The following RAP1A variants were observed in gnomAD, a reference collection of about 807,000 sequenced individuals.
RAP1A encodes the protein RAP1A, member of RAS oncogene family.
A neutral mutation model predicts 26.4 loss-of-function variants in RAP1A; 6 were observed. That is an observed-to-expected ratio of 0.23 (90% CI 0.12 to 0.45). The LOEUF is 0.45. Among genes scored for constraint, RAP1A ranks in the 20% least tolerant of loss-of-function variants. The pLI, the probability that RAP1A is intolerant of heterozygous loss-of-function variation, is 0.99. For missense variants in RAP1A, 121 were observed against 217.2 expected, an observed-to-expected ratio of 0.56 and a Z score of 2.78; for synonymous variants, 73 against 79.4, an observed-to-expected ratio of 0.92 and a Z score of 0.43.
Position 111,641,701 on chromosome 1 carries a change from A to T in RAP1A, c.-28+21767A>T, listed in dbSNP as rs374343361. Among the ~76,000 whole-genome samples the T allele has an allele frequency of 9.2e-4, 140 of 152,216 alleles. 3 individuals carry two copies. In the South Asian group the frequency reaches 0.028, roughly 31 times the overall value. ...ATCCTTTAAATTCTCTAAGAAATGT[A>T]CCACCACAGATTTCTAATTTATTCT... On this transcript the variant is annotated intron_variant, in intron 1 of 7. Transcript: ENST00000369709.
At chr1:111,697,878 T>C (rs1377465215) in intron 4 of RAP1A, among the ~76,000 whole-genome samples, 4 of 152,258 alleles carry the variant, frequency 2.6e-5, no homozygotes, top group Non-Finnish European at 5.9e-5. Flanking sequence ...CACTAGCATT[T>C]TGACATCTCA....
chr1:111,573,905 TTGTC>T (rs1254394386), intron 1 of RAP1A, among the ~76,000 whole-genome samples: 4 of 152,316 alleles, frequency 2.6e-5, no homozygotes, highest in African/African-American at 7.2e-5. Flanking sequence ...ATTCTATACT[TTGTC>T]TGTTTACTCT....
At chr1:111,651,805 C>T (rs554079410) in intron 1 of RAP1A, among the ~76,000 whole-genome samples, 2 of 151,880 alleles carry the variant, frequency 1.3e-5, no homozygotes, top group South Asian at 4.2e-4. Flanking sequence ...GTTGAGACAG[C>T]GTTTCACCAT....
At chr1:111,561,626 A>G (rs1657740640) in intron 1 of RAP1A, among the ~76,000 whole-genome samples, 1 of 152,226 alleles carries the variant, frequency 6.6e-6, no homozygotes, top group Non-Finnish European at 1.5e-5. Flanking sequence ...AATTTTATTC[A>G]ATCATAGGCC....
chr1:111,612,181 T>G (rs1258724677), intron 1 of RAP1A, among the ~76,000 whole-genome samples: 3 of 152,186 alleles, frequency 2.0e-5, no homozygotes, highest in African/African-American at 7.2e-5. Context: ...AAAAAAGACT[T>G]CACTTACTGT....
intron 1 of RAP1A, among the ~76,000 whole-genome samples, chr1:111,579,226 T>G (rs1221251134): frequency 2.6e-5 from 4 of 152,148 alleles, no homozygotes; most frequent in Non-Finnish European, 4.4e-5. Flanking sequence ...CACTTGGTCT[T>G]TCTGGTGACT....
intron 1 of RAP1A, among the ~76,000 whole-genome samples, chr1:111,655,245 A>AG (rs57061780): frequency 3.1e-5 from 3 of 95,322 alleles, no homozygotes; most frequent in Admixed American, 1.2e-4. Context: ...AAAAAAAAGA[A>AG]AAAAAAACAA....
chr1:111,574,817 G>A (rs974709601), intron 1 of RAP1A, among the ~76,000 whole-genome samples: 19 of 152,194 alleles, frequency 1.2e-4, no homozygotes, highest in African/African-American at 4.6e-4. Flanking sequence ...TTCAGGGGCT[G>A]GTTTTGTTTG....
At chr1:111,618,620 G>T (rs1355090068), upstream of RAP1A, among the ~76,000 whole-genome samples, 2 of 152,106 alleles carry the variant, frequency 1.3e-5, no homozygotes, top group Admixed American at 1.3e-4. Flanking sequence ...CCATTTGGAT[G>T]TATAACAGAC....
chr1:111,655,658 C>CTTTTTTT (rs34266778), intron 1 of RAP1A, among the ~76,000 whole-genome samples: 3 of 85,130 alleles, frequency 3.5e-5, no homozygotes, highest in Non-Finnish European at 6.2e-5. Context: ...TGTTCATAGT[C>CTTTTTTT]TTTTTTTTTT....
chr1:111,704,194 C>A, intron 5 of RAP1A, 149 bp from the exon 6 acceptor site: 1 of 697,246 alleles, frequency 1.4e-6, no homozygotes, highest in Non-Finnish European at 2.1e-6. Flanking sequence ...GCCTCTTCCC[C>A]TCAACATATA....
intron 1 of RAP1A, among the ~76,000 whole-genome samples, chr1:111,551,266 T>C (rs997940340): frequency 3.3e-5 from 5 of 152,210 alleles, no homozygotes; most frequent in Non-Finnish European, 7.3e-5. Context: ...GGCTTACGTG[T>C]GCCATTTTGC....
intron 1 of RAP1A, among the ~76,000 whole-genome samples, chr1:111,580,218 A>G (rs1478285729): frequency 3.3e-5 from 5 of 152,224 alleles, no homozygotes; most frequent in Non-Finnish European, 5.9e-5. Flanking sequence ...AAAATTGGTA[A>G]GTTAGGGACT....
At chr1:111,696,480 T>C (rs1661831046) in intron 3 of RAP1A, among the ~76,000 whole-genome samples, 1 of 152,232 alleles carries the variant, frequency 6.6e-6, no homozygotes, top group Non-Finnish European at 1.5e-5. Flanking sequence ...TTTTGCAGAT[T>C]ATCACACTTG....
chr1:111,688,301 A>ATGTG (rs56965468), intron 1 of RAP1A, among the ~76,000 whole-genome samples: 1 of 122,650 alleles, frequency 8.2e-6, no homozygotes, highest in East Asian at 2.3e-4. Context: ...GTGTGTGTGT[A>ATGTG]TATATATTTT....
chr1:111,653,574 C>T (rs983594165), intron 1 of RAP1A, among the ~76,000 whole-genome samples: 2 of 149,094 alleles, frequency 1.3e-5, no homozygotes, highest in Non-Finnish European at 3.0e-5. Flanking sequence ...ATCCCAGCTA[C>T]GTGGGAGGCT....
chr1:111,638,253 A>G (rs957192559), intron 1 of RAP1A, among the ~76,000 whole-genome samples: 5 of 152,164 alleles, frequency 3.3e-5, no homozygotes, highest in East Asian at 1.9e-4. Context: ...TGTATGATAC[A>G]TAGTAATTTG....
At chr1:111,649,287 C>T (rs145643080) in intron 1 of RAP1A, 5,204 of 466,416 alleles carry the variant, frequency 0.011, 71 homozygotes, top group South Asian at 0.036. Flanking sequence ...CAGGCTCTCA[C>T]TCTGTCCAGG....
At chr1:111,544,057 T>G (rs1321284084) in intron 1 of RAP1A, among the ~76,000 whole-genome samples, 1 of 152,234 alleles carries the variant, frequency 6.6e-6, no homozygotes, top group African/African-American at 2.4e-5. Context: ...GCCTTCAGTT[T>G]GAAGCATTTG....
Sources: allele counts gnomAD v4.1 joint callset (sites outside exome capture counted in the v4.1 genomes callset), GRCh38; gene constraint gnomAD v4.1.1; transcripts MANE v1.5; gene names NCBI Gene and HGNC (gene_info 2026-07-23, HGNC 2026-07-21).